USP43: variants seen among roughly 807,000 people sequenced by gnomAD.
The protein encoded by USP43 is ubiquitin carboxyl-terminal hydrolase 43.
In USP43, 33 loss-of-function variants were observed where a neutral mutation model predicts 90.7. The ratio of observed to expected loss-of-function variants is 0.36; its 90% CI spans 0.28 to 0.49. USP43 has a LOEUF of 0.49. Ranked by LOEUF, USP43 falls within the 20% of genes least tolerant of loss-of-function variation. The pLI is 0.98. For synonymous variants in USP43, 598 were observed against 615.8 expected (o/e 0.97, Z 0.43); for missense variants, 1,274 against 1,476.4 (o/e 0.86, Z 2.25).
At chr17:9,666,788 G>A in intron 3 of USP43, 37 bp downstream of exon 3, 1 of 1,528,528 alleles carries the variant, frequency 6.5e-7, no homozygotes, top group Non-Finnish European at 9.0e-7. Context: ...ATCACCCGAG[G>A]GCTCCGCAGA....
intron 1 of USP43, among the ~76,000 whole-genome samples, chr17:9,652,711 A>G (rs1567645439): frequency 6.6e-6 from 1 of 152,128 alleles, no homozygotes; most frequent in African/African-American, 2.4e-5. Flanking sequence ...TCAATAGGTT[A>G]TTAAAAAAAA....
At chr17:9,716,104 T>TTTC (rs371476102) in intron 14 of USP43, among the ~76,000 whole-genome samples, 17,837 of 151,098 alleles carry the variant, frequency 0.12, 2,083 homozygotes, top group African/African-American at 0.31. Flanking sequence ...GTGTGTGTGT[T>TTTC]TGTGTGTCTT....
intron 14 of USP43, among the ~76,000 whole-genome samples, chr17:9,726,662 A>T (rs374800963): frequency 1.4e-4 from 21 of 152,140 alleles, no homozygotes; most frequent in African/African-American, 5.1e-4. Context: ...CACCCCCTTA[A>T]ACCATCGCCT....
rs148363915 is a variant in USP43, at chr17:9,719,761, G to A, written c.2335+7629G>A. 5.3e-3 allele frequency among the ~76,000 whole-genome samples: 808 copies of A among 152,224 alleles called. 6 individuals are homozygous for A. The highest frequency in any genetic ancestry group is 8.6e-3 in the Admixed American group (132 of 15,296). ...TTTTGAAAGCTGTTTTAGAAGTTCT[G>A]AGACGGTTGAAAAATCCAGCGTTTG... On this transcript the variant is annotated intron_variant, in intron 14 of 14. Transcript: ENST00000285199.
chr17:9,712,848 AT>A (rs1231268341), intron 14 of USP43, among the ~76,000 whole-genome samples: 1 of 152,216 alleles, frequency 6.6e-6, no homozygotes, highest in Non-Finnish European at 1.5e-5. Flanking sequence ...TTTTTAAAAA[AT>A]TGACACATAA....
chr17:9,688,630 T>C (rs1024792699), intron 8 of USP43, among the ~76,000 whole-genome samples: 2 of 152,090 alleles, frequency 1.3e-5, no homozygotes, highest in African/African-American at 4.8e-5. Context: ...ATTACAGGCG[T>C]GAGCCACCAC....
At position 9,728,161 on chromosome 17, in the gene USP43, C is replaced by G. The variant is rs755273208; in HGVS notation, c.2543C>G (p.Ser848Cys). 4.2e-5 allele frequency: 67 copies of G among 1,613,950 alleles called. No individual in the cohort carries two copies. Among genetic ancestry groups the G allele is most frequent in the Non-Finnish European group, 5.3e-5 (63 of 1,179,892 alleles). The change falls in exon 15 of 15, where the codon TCC becomes TGC. Residue 848 changes from serine to cysteine, a missense_variant. This residue lies in a region of USP43 where 285 missense variants were observed against 349.6 expected (regional missense o/e 0.82). Coordinates refer to ENST00000285199, the MANE Select transcript of USP43 (RefSeq NM_153210.5). The surrounding 1 kb of genome is among the most constrained non-coding windows in gnomAD (Gnocchi z 6.2). ...CGAAGACCTCGGTCCACGAGCCAGT[C>G]CATTGTGTCGCTGTTGACGGGCACT... ...SRRRPRSTSQ[S>C]IVSLLTGTAG...
Position 9,686,678 on chromosome 17 carries a change from T to G in USP43, c.1242-120T>G. ...GGTTTTTTTTGCTGTTGAGTTTTTG[T>G]GCTTAGCTCTTGTCACTTATCCTAT... On this transcript the variant is annotated intron_variant, in intron 7 of 14. Transcript: ENST00000285199. This position sits in a 1 kb window ranked among gnomAD's most constrained non-coding sequence, Gnocchi z 5.5. 1.3e-6 allele frequency: 1 copy of G among 760,036 alleles called. No individual in the cohort carries two copies. The highest frequency in any genetic ancestry group is 1.9e-5 in the South Asian group (1 of 53,168). The allele number at this position is 760,036 out of a possible 1,614,324, so 47.1% of individuals were successfully genotyped here.
At chr17:9,715,552 TTGTG>T (rs367696221) in intron 14 of USP43, among the ~76,000 whole-genome samples, 15,934 of 148,722 alleles carry the variant, frequency 0.11, 1,553 homozygotes, top group African/African-American at 0.27. Flanking sequence ...GTCTGTGTCT[TTGTG>T]TGTGTGTGTC....
At chr17:9,677,307 T>C (rs1913848107) in intron 5 of USP43, among the ~76,000 whole-genome samples, 1 of 152,198 alleles carries the variant, frequency 6.6e-6, no homozygotes, top group African/African-American at 2.4e-5. Context: ...CCAACGTCAC[T>C]AGCTAGTAAG....
At position 9,728,365 on chromosome 17, in the gene USP43, A is replaced by G. The variant is rs1356341486; in HGVS notation, c.2747A>G (p.Lys916Arg). Residue 916 changes from lysine to arginine, a missense_variant, in exon 15 of 15, where the codon AAG (lysine) becomes AGG (arginine). Around this residue, in one of 6 missense-constraint regions of USP43, gnomAD observed 353 missense variants for 329.7 expected, o/e 1.07. Transcript: ENST00000285199. This position sits in a 1 kb window ranked among gnomAD's most constrained non-coding sequence, Gnocchi z 6.2. ...GGTCCAAACACAGCAAGGAAACTCA[A>G]GGAAAATGCAGGGCAGGACATCAAG... is the stretch of plus-strand genomic sequence containing the variant. ...SDGPNTARKL[K>R]ENAGQDIKLP... 1.2e-6 allele frequency: 2 copies of G among 1,609,334 alleles called. No homozygotes were observed. The highest frequency in any genetic ancestry group is 1.7e-6 in the Non-Finnish European group (2 of 1,177,788).
chr17:9,686,734 C>A lies in USP43; in HGVS notation c.1242-64C>A. 1 of 1,432,456 alleles carries A rather than the reference C, an allele frequency of 7.0e-7. No individual in the cohort carries two copies. The highest frequency in any genetic ancestry group is 9.7e-7 in the Non-Finnish European group (1 of 1,029,722). The allele number at this position is 1,432,456 out of a possible 1,614,324, so 88.7% of individuals were successfully genotyped here. ...GGAAGCCAGGGTTAGAACAACCACTCATGACTGGTGGATGTTGCTGGTTTT... is the reference window on the plus strand; with the variant it reads ...GGAAGCCAGGGTTAGAACAACCACTAATGACTGGTGGATGTTGCTGGTTTT... On this transcript the variant is annotated intron_variant, in intron 7 of 14. Coordinates refer to ENST00000285199, the MANE Select transcript of USP43 (RefSeq NM_153210.5). The surrounding 1 kb of genome is among the most constrained non-coding windows in gnomAD (Gnocchi z 5.5).
chr17:9,710,865 C>A (rs1284933754), intron 13 of USP43, among the ~76,000 whole-genome samples: 1 of 151,902 alleles, frequency 6.6e-6, no homozygotes, highest in East Asian at 1.9e-4. Flanking sequence ...AAAGCTGACC[C>A]TTTCACGTGA....
At chr17:9,648,221 G>A (rs1001634467) in intron 1 of USP43, among the ~76,000 whole-genome samples, 8 of 152,218 alleles carry the variant, frequency 5.3e-5, no homozygotes, top group African/African-American at 1.9e-4. Context: ...GGATTTTTGG[G>A]TAGTCAGCTT....
intron 14 of USP43, among the ~76,000 whole-genome samples, chr17:9,717,859 CG>C (rs1916685552): frequency 6.7e-6 from 1 of 149,410 alleles, no homozygotes; most frequent in African/African-American, 2.5e-5. Flanking sequence ...TGCAATGGGG[CG>C]ATCTCAGCTC....
chr17:9,716,788 A>C (rs1329944157), intron 14 of USP43, among the ~76,000 whole-genome samples: 1 of 152,182 alleles, frequency 6.6e-6, no homozygotes, highest in African/African-American at 2.4e-5. Context: ...TTTTGTCATG[A>C]AGCTATCTGC....
At chr17:9,682,712 T>G in intron 6 of USP43, 111 bp from the exon 7 acceptor site, 96 of 1,355,106 alleles carry the variant, frequency 7.1e-5, no homozygotes, top group Middle Eastern at 1.9e-4. Flanking sequence ...TGGCCCCCCA[T>G]TGGTGGTTAA....
intron 3 of USP43, among the ~76,000 whole-genome samples, chr17:9,673,160 T>C (rs1036229881): frequency 6.6e-6 from 1 of 152,176 alleles, no homozygotes; most frequent in African/African-American, 2.4e-5. Flanking sequence ...TGGAAGAATA[T>C]GGTGCATTAT....
intron 1 of USP43, chr17:9,647,121 T>C (rs1911484485): frequency 6.7e-6 from 1 of 150,322 alleles, no homozygotes; most frequent in Non-Finnish European, 1.5e-5. Context: ...CCCGCAGCTC[T>C]GGGCAGAGAA....
Sources: allele counts gnomAD v4.1 joint callset (sites outside exome capture counted in the v4.1 genomes callset), GRCh38; gene constraint gnomAD v4.1.1; regional missense constraint gnomAD v4.1.1; non-coding constraint Gnocchi (gnomAD v3.1); transcripts MANE v1.5; gene names NCBI Gene and HGNC (gene_info 2026-07-23, HGNC 2026-07-21).